C12orf42: variants seen among roughly 807,000 people sequenced by gnomAD.
C12orf42 encodes the protein chromosome 12 open reading frame 42, also known as uncharacterized protein C12orf42.
Under a neutral mutation model 21.6 loss-of-function variants are expected in C12orf42, and 25 were observed. The observed-to-expected ratio is 1.16, with a 90% CI of 0.84 to 1.62. The LOEUF (loss-of-function observed/expected upper bound fraction) is 1.62. Among genes scored for constraint, C12orf42 ranks in the 40% most tolerant of loss-of-function variants. The pLI is 0.00. For missense variants in C12orf42, 483 were observed against 459.3 expected (o/e 1.05, Z -0.47); for synonymous variants, 174 against 175.0 (o/e 0.99, Z 0.05).
rs10537065 is a variant in C12orf42, at chr12:103,241,183, T to TA, written c.*1367-3282dup. Reference sequence around the variant, plus strand: ...TTATGAGAAGCATAGCTGTTTTGTTTAAAAAAAAAAAAAAAAGAAAACATT... The same window carrying TA: ...TTATGAGAAGCATAGCTGTTTTGTTTAAAAAAAAAAAAAAAAAGAAAACATT... On this transcript the variant is annotated intron_variant and NMD_transcript_variant, in intron 10 of 10. Transcript: ENST00000547347. Among the ~76,000 whole-genome samples the TA allele has an allele frequency of 8.3e-3, 1,180 of 142,950 alleles. 7 individuals are homozygous for TA. The highest frequency in any genetic ancestry group is 0.018 in the African/African-American group (688 of 39,236). 93.8% of individuals were successfully genotyped at this position (142,950 alleles called of 152,430 possible).
At chr12:103,438,027 A>G (rs966546456) in intron 2 of C12orf42, among the ~76,000 whole-genome samples, 2 of 151,392 alleles carry the variant, frequency 1.3e-5, no homozygotes, top group Admixed American at 1.3e-4. Flanking sequence ...GGCAAACCGA[A>G]TCCAGCAGCA....
At chr12:103,411,065 TCAA>T (rs1344854351) in intron 2 of C12orf42, among the ~76,000 whole-genome samples, 3 of 152,202 alleles carry the variant, frequency 2.0e-5, no homozygotes, top group Non-Finnish European at 4.4e-5. Context: ...TTAATTTCCT[TCAA>T]GGCATGTGTA....
intron 1 of C12orf42, among the ~76,000 whole-genome samples, chr12:103,491,329 A>C (rs1396731622): frequency 6.6e-6 from 1 of 152,194 alleles, no homozygotes; most frequent in African/African-American, 2.4e-5. Flanking sequence ...AGTAGTTTTT[A>C]TATTGAATCT....
chr12:103,125,001 C>G, the C12orf42 span, among the ~76,000 whole-genome samples: 1 of 152,090 alleles, frequency 6.6e-6, no homozygotes, highest in Admixed American at 6.5e-5. Context: ...CAGATATAGA[C>G]TGATATTTGA....
intron 4 of C12orf42, among the ~76,000 whole-genome samples, chr12:103,334,998 G>A (rs989604622): frequency 1.3e-5 from 2 of 152,176 alleles, no homozygotes; most frequent in African/African-American, 4.8e-5. Flanking sequence ...TGACAGTCTG[G>A]AGTCCACAGC....
At chr12:103,234,785 C>T (rs117185888), downstream of C12orf42, among the ~76,000 whole-genome samples, 2,846 of 152,170 alleles carry the variant, frequency 0.019, 40 homozygotes, top group Non-Finnish European at 0.03. Context: ...TCAGGTTTTT[C>T]CTTCTGAACA....
the C12orf42 span, among the ~76,000 whole-genome samples, chr12:103,540,110 C>T: frequency 5.3e-5 from 8 of 151,898 alleles, no homozygotes; most frequent in African/African-American, 1.2e-4. Context: ...TGGGTTCAAG[C>T]GATTCTCCTG....
intron 4 of C12orf42, among the ~76,000 whole-genome samples, chr12:103,324,451 A>C (rs2040482886): frequency 6.6e-6 from 1 of 152,192 alleles, no homozygotes; most frequent in Non-Finnish European, 1.5e-5. Context: ...TTGAAAACAA[A>C]TTGGAAAGTA....
At chr12:103,296,513 T>C (rs2037298777) in intron 4 of C12orf42, among the ~76,000 whole-genome samples, 1 of 152,216 alleles carries the variant, frequency 6.6e-6, no homozygotes. Flanking sequence ...CCATATCCTC[T>C]CCAGCACCTG....
At chr12:103,260,109 G>A (rs1035429001) in intron 10 of C12orf42, among the ~76,000 whole-genome samples, 1 of 152,056 alleles carries the variant, frequency 6.6e-6, no homozygotes. Context: ...AAAAAAAATT[G>A]TACAATCTGA....
chr12:103,529,359 T>G, the C12orf42 span, among the ~76,000 whole-genome samples: 5 of 152,252 alleles, frequency 3.3e-5, no homozygotes, highest in Admixed American at 2.0e-4. Flanking sequence ...ATGTAATGCC[T>G]GAAATGTTAG....
chr12:103,177,682 G>A, the C12orf42 span, among the ~76,000 whole-genome samples: 2 of 152,186 alleles, frequency 1.3e-5, no homozygotes, highest in African/African-American at 4.8e-5. Flanking sequence ...GTACAGAATA[G>A]TTAAATTCAT....
intron 4 of C12orf42, among the ~76,000 whole-genome samples, chr12:103,353,729 C>T (rs1162558448): frequency 6.6e-6 from 1 of 152,130 alleles, no homozygotes; most frequent in Non-Finnish European, 1.5e-5. Context: ...TGGTTTTCAC[C>T]AACAGGAGGG....
chr12:103,448,405 C>T (rs1233187176), intron 2 of C12orf42, among the ~76,000 whole-genome samples: 2 of 151,842 alleles, frequency 1.3e-5, no homozygotes, highest in Non-Finnish European at 1.5e-5. Context: ...TGACCAAGAA[C>T]GCAAAAGCAA....
intron 4 of C12orf42, among the ~76,000 whole-genome samples, chr12:103,307,968 A>C (rs908859171): frequency 2.6e-4 from 39 of 152,234 alleles, no homozygotes; most frequent in African/African-American, 8.4e-4. Context: ...TTTCTAAGTT[A>C]AGATATTCTT....
intron 4 of C12orf42, among the ~76,000 whole-genome samples, chr12:103,307,084 G>C (rs1223247963): frequency 6.6e-6 from 1 of 152,196 alleles, no homozygotes; most frequent in Non-Finnish European, 1.5e-5. Context: ...TAGACTTGTA[G>C]CTTCCCAAAC....
chr12:103,337,034 C>A (rs1380299226), intron 4 of C12orf42, among the ~76,000 whole-genome samples: 2 of 152,174 alleles, frequency 1.3e-5, no homozygotes, highest in Non-Finnish European at 2.9e-5. Flanking sequence ...AAGGGAAATA[C>A]TTCTGCTGCC....
the C12orf42 span, among the ~76,000 whole-genome samples, chr12:103,194,205 C>A: frequency 1.3e-5 from 2 of 151,434 alleles, no homozygotes; most frequent in Non-Finnish European, 2.9e-5. Flanking sequence ...TATGAAAAAC[C>A]CATAGGTAGC....
chr12:103,227,262 G>C, the C12orf42 span, among the ~76,000 whole-genome samples: 4 of 151,988 alleles, frequency 2.6e-5, no homozygotes, highest in Non-Finnish European at 4.4e-5. Flanking sequence ...GGGGCTCAGA[G>C]ATAAGAGGTC....
Sources: gnomAD v4.1 joint callset for allele counts (sites outside exome capture counted in the v4.1 genomes callset) on GRCh38, gnomAD v4.1.1 for gene constraint, MANE v1.5 for transcripts, NCBI Gene and HGNC (gene_info 2026-07-23, HGNC 2026-07-21) for gene names.